The following ROBO1 variants were observed in gnomAD, a reference collection of about 807,000 sequenced individuals.
ROBO1 encodes roundabout guidance receptor 1, also known as roundabout homolog 1.
In ROBO1, 149 loss-of-function variants were observed where a neutral mutation model predicts 195.9. The ratio of observed to expected loss-of-function variants is 0.76; its 90% CI spans 0.67 to 0.87. The LOEUF (loss-of-function observed/expected upper bound fraction) is 0.87, where lower values mean the gene tolerates loss of function less well. Ranked by LOEUF, ROBO1 falls within the 40% of genes least tolerant of loss-of-function variation. The probability of loss-of-function intolerance (pLI) is 0.00; values close to 1 mark genes in which losing one functional copy is unlikely to be tolerated. For synonymous variants in ROBO1, 816 were observed against 733.2 expected (o/e 1.11, Z -1.82); for missense variants, 1,933 against 2,068.3 (o/e 0.93, Z 1.27).
chr3:79,745,149 T>C (rs1703819201), intron 1 of ROBO1, among the ~76,000 whole-genome samples: 1 of 152,162 alleles, frequency 6.6e-6, no homozygotes, highest in Admixed American at 6.5e-5. Context: ...ACCTAACCAC[T>C]CAGTCACAGA....
chr3:79,543,540 C>T (rs1052903243), intron 2 of ROBO1, among the ~76,000 whole-genome samples: 3 of 151,960 alleles, frequency 2.0e-5, no homozygotes, highest in South Asian at 2.1e-4. Context: ...ACGGATCATC[C>T]GAGCAGCATA....
At chr3:79,664,369 T>C (rs1463390581) in intron 1 of ROBO1, among the ~76,000 whole-genome samples, 1 of 152,018 alleles carries the variant, frequency 6.6e-6, no homozygotes, top group Non-Finnish European at 1.5e-5. Flanking sequence ...GTAAATTGTG[T>C]CAACTACATA....
chr3:78,952,885 G>T (rs2040861322), intron 3 of ROBO1, among the ~76,000 whole-genome samples: 1 of 151,960 alleles, frequency 6.6e-6, no homozygotes, highest in Non-Finnish European at 1.5e-5. Flanking sequence ...AACTTCTCCA[G>T]TCAAAATTTA....
At chr3:79,729,866 T>G (rs1422579195) in intron 1 of ROBO1, among the ~76,000 whole-genome samples, 1 of 152,186 alleles carries the variant, frequency 6.6e-6, no homozygotes, top group Non-Finnish European at 1.5e-5. Flanking sequence ...CATATGTAGA[T>G]TTAATTATAG....
chr3:79,189,373 G>A (rs2081498831), intron 2 of ROBO1, among the ~76,000 whole-genome samples: 1 of 151,698 alleles, frequency 6.6e-6, no homozygotes, highest in Non-Finnish European at 1.5e-5. Flanking sequence ...CTAAATAAAT[G>A]TAAATATAAA....
intron 3 of ROBO1, among the ~76,000 whole-genome samples, chr3:79,020,475 T>C (rs1417073606): frequency 3.3e-5 from 5 of 152,138 alleles, no homozygotes; most frequent in Non-Finnish European, 7.3e-5. Context: ...GCGGATCATT[T>C]AAGGTCTGGA....
At chr3:78,607,730 A>G (rs1349859362) in intron 28 of ROBO1, among the ~76,000 whole-genome samples, 1 of 152,088 alleles carries the variant, frequency 6.6e-6, no homozygotes, top group Non-Finnish European at 1.5e-5. Context: ...CTGCAAATTG[A>G]TTGAGGTGGT....
intron 2 of ROBO1, among the ~76,000 whole-genome samples, chr3:79,495,674 AATG>A (rs755764730): frequency 2.6e-5 from 4 of 152,188 alleles, no homozygotes; most frequent in Non-Finnish European, 5.9e-5. Flanking sequence ...ATGCGGTTAA[AATG>A]ATACTTTCCA....
At chr3:79,607,584 A>G (rs1359453396) in intron 1 of ROBO1, among the ~76,000 whole-genome samples, 1 of 133,310 alleles carries the variant, frequency 7.5e-6, no homozygotes, top group African/African-American at 2.8e-5. Context: ...ATCAAAAACT[A>G]CAAATTTGTA....
At chr3:79,115,325 T>G (rs564592630) in intron 3 of ROBO1, among the ~76,000 whole-genome samples, 105 of 152,270 alleles carry the variant, frequency 6.9e-4, no homozygotes, top group African/African-American at 2.4e-3. Context: ...CTTTGAAGGA[T>G]ATGTAACAAC....
intron 2 of ROBO1, among the ~76,000 whole-genome samples, chr3:79,532,718 C>T (rs939030108): frequency 1.3e-5 from 2 of 152,108 alleles, no homozygotes; most frequent in Non-Finnish European, 2.9e-5. Context: ...AAAAAGCAAA[C>T]AAACAAACTT....
intron 2 of ROBO1, among the ~76,000 whole-genome samples, chr3:79,254,128 T>C (rs2082783255): frequency 6.6e-6 from 1 of 152,174 alleles, no homozygotes; most frequent in Non-Finnish European, 1.5e-5. Context: ...AAAACAGCTA[T>C]CTCTGCAATG....
chr3:79,518,481 A>G (rs1261263019), intron 2 of ROBO1, among the ~76,000 whole-genome samples: 1 of 152,156 alleles, frequency 6.6e-6, no homozygotes, highest in Non-Finnish European at 1.5e-5. Context: ...GCTACTTCCT[A>G]AAAGGTCTAG....
intron 10 of ROBO1, among the ~76,000 whole-genome samples, chr3:78,674,830 T>C (rs1708297418): frequency 6.6e-6 from 1 of 152,174 alleles, no homozygotes; most frequent in African/African-American, 2.4e-5. Flanking sequence ...AAAATCTTTT[T>C]TTATGTATAC....
At chr3:79,309,087 A>C (rs2109086092) in intron 2 of ROBO1, among the ~76,000 whole-genome samples, 2 of 152,348 alleles carry the variant, frequency 1.3e-5, no homozygotes, top group East Asian at 3.9e-4. Context: ...ACTGTTATTA[A>C]TTAGTAAGCA....
intron 2 of ROBO1, among the ~76,000 whole-genome samples, chr3:79,351,659 C>G (rs2035346616): frequency 6.6e-6 from 1 of 152,036 alleles, no homozygotes; most frequent in Admixed American, 6.6e-5. Context: ...TTCAATTACA[C>G]TGTTTGAATA....
At chr3:79,148,352 C>A (rs2080696551) in intron 2 of ROBO1, among the ~76,000 whole-genome samples, 1 of 151,678 alleles carries the variant, frequency 6.6e-6, no homozygotes, top group Non-Finnish European at 1.5e-5. Flanking sequence ...ATTAAAGGAG[C>A]TGGGAGAGGT....
intron 4 of ROBO1, among the ~76,000 whole-genome samples, chr3:78,749,105 A>G (rs940906939): frequency 2.6e-5 from 4 of 152,186 alleles, no homozygotes; most frequent in African/African-American, 4.8e-5. Flanking sequence ...AAATGGATTG[A>G]CCTTGACAGG....
chr3:78,871,243 T>A (rs1284316009), intron 4 of ROBO1, among the ~76,000 whole-genome samples: 1 of 152,178 alleles, frequency 6.6e-6, no homozygotes, highest in Non-Finnish European at 1.5e-5. Flanking sequence ...AAAGCCTGGT[T>A]TACCTTTGTA....
Sources: gnomAD v4.1 joint callset for allele counts (sites outside exome capture counted in the v4.1 genomes callset) on GRCh38, gnomAD v4.1.1 for gene constraint, MANE v1.5 for transcripts, NCBI Gene and HGNC (gene_info 2026-07-23, HGNC 2026-07-21) for gene names.